Variants in LHFPL1 observed in about 807,000 individuals in gnomAD.
The protein encoded by LHFPL1 is LHFPL tetraspan subfamily member 1, also known as LHFPL tetraspan subfamily member 1 protein.
Under a neutral mutation model 12.1 loss-of-function variants are expected in LHFPL1, and 4 were observed. The observed-to-expected ratio is 0.33, with a 90% CI of 0.16 to 0.76. The LOEUF (loss-of-function observed/expected upper bound fraction) is 0.76. LHFPL1 is among the 30% of genes least tolerant of loss of function. The probability of loss-of-function intolerance (pLI) is 0.61; values close to 1 mark genes in which losing one functional copy is unlikely to be tolerated. For missense variants in LHFPL1, 141 were observed against 174.1 expected, an observed-to-expected ratio of 0.81 and a Z score of 1.07; for synonymous variants, 52 against 61.9, an observed-to-expected ratio of 0.84 and a Z score of 0.75.
chrX:112,639,587 C>T (rs1315533203), intron 3 of LHFPL1, among the ~76,000 whole-genome samples: 2 of 112,222 alleles, frequency 1.8e-5, no homozygotes, highest in East Asian at 5.6e-4. Flanking sequence ...TTTTCTCTCT[C>T]ACACACTTCT....
At chrX:112,653,120 C>T (rs1471890261) in intron 3 of LHFPL1, among the ~76,000 whole-genome samples, 3 of 111,932 alleles carry the variant, frequency 2.7e-5, no homozygotes, top group African/African-American at 9.7e-5. Context: ...GTAATAGGTA[C>T]GTGGATGTTC....
intron 3 of LHFPL1, among the ~76,000 whole-genome samples, chrX:112,654,894 A>G (rs1203325835): frequency 9.0e-6 from 1 of 111,644 alleles, no homozygotes; most frequent in East Asian, 2.8e-4. Flanking sequence ...CAGGTGGGCA[A>G]TTCTTCTACT....
chrX:112,643,112 G>C, intron 3 of LHFPL1, among the ~76,000 whole-genome samples: 1 of 107,608 alleles, frequency 9.3e-6, no homozygotes, highest in South Asian at 4.2e-4. Flanking sequence ...CGGGCGCAGT[G>C]GCTCACGCCT....
chrX:112,669,609 T>G (rs187858861), intron 2 of LHFPL1, among the ~76,000 whole-genome samples: 2 of 112,432 alleles, frequency 1.8e-5, no homozygotes, highest in African/African-American at 6.5e-5. Context: ...ATGCTTTTCA[T>G]AATCAAGCCA....
At chrX:112,654,466 C>T (rs981508567) in intron 3 of LHFPL1, among the ~76,000 whole-genome samples, 3 of 110,594 alleles carry the variant, frequency 2.7e-5, no homozygotes, top group Admixed American at 9.7e-5. Context: ...AAGCGAAAAA[C>T]GCAAGGTGCA....
intron 2 of LHFPL1, among the ~76,000 whole-genome samples, chrX:112,665,471 G>A (rs1931306130): frequency 1.8e-5 from 2 of 111,845 alleles, no homozygotes; most frequent in Non-Finnish European, 3.8e-5. Flanking sequence ...GATTACAGGC[G>A]TGAGCCACCG....
At chrX:112,645,479 A>G (rs1021360069) in intron 3 of LHFPL1, among the ~76,000 whole-genome samples, 68 of 112,058 alleles carry the variant, frequency 6.1e-4, no homozygotes, top group African/African-American at 2.1e-3. Context: ...GTTACTATGT[A>G]CCAAATACTA....
chrX:112,637,505 T>C (rs1474829239), intron 3 of LHFPL1, among the ~76,000 whole-genome samples: 1 of 111,864 alleles, frequency 8.9e-6, no homozygotes, highest in African/African-American at 3.3e-5. Flanking sequence ...AGTCAGAATC[T>C]GATAGAGTGG....
chrX:112,651,941 C>A (rs902812821), intron 3 of LHFPL1, among the ~76,000 whole-genome samples: 7 of 112,853 alleles, frequency 6.2e-5, no homozygotes, highest in Admixed American at 5.6e-4. Context: ...CTGAGATCAT[C>A]TATTACTCTT....
At chrX:112,636,973 A>G (rs765436737) in intron 3 of LHFPL1, among the ~76,000 whole-genome samples, 1 of 111,759 alleles carries the variant, frequency 8.9e-6, no homozygotes, top group Non-Finnish European at 1.9e-5. Context: ...GTCTGTGAAG[A>G]GAAGGATCGG....
chrX:112,639,468 T>G (rs935131305), intron 3 of LHFPL1, among the ~76,000 whole-genome samples: 2 of 111,658 alleles, frequency 1.8e-5, no homozygotes, highest in South Asian at 7.7e-4. Flanking sequence ...AACCCAATGT[T>G]CCAAAGGGTA....
At chrX:112,665,482 C>T (rs1423984144) in intron 2 of LHFPL1, among the ~76,000 whole-genome samples, 2 of 111,871 alleles carry the variant, frequency 1.8e-5, no homozygotes, top group Non-Finnish European at 3.8e-5. Context: ...TGAGCCACCG[C>T]GCCAGGCCTG....
chrX:112,677,781 T>C (rs773216362), intron 1 of LHFPL1, among the ~76,000 whole-genome samples: 2 of 111,683 alleles, frequency 1.8e-5, no homozygotes, highest in South Asian at 7.7e-4. Flanking sequence ...CTCTGAGTTC[T>C]CCTGTGCCTG....
chrX:112,635,987 A>G (rs929170), intron 3 of LHFPL1, among the ~76,000 whole-genome samples: 6,522 of 111,313 alleles, frequency 0.059, 182 homozygotes, highest in Middle Eastern at 0.13. Flanking sequence ...ACGCTAGAGC[A>G]AGGTTTCTCG....
At chrX:112,657,909 C>CAA (rs57793060) in intron 3 of LHFPL1, among the ~76,000 whole-genome samples, 1,419 of 61,318 alleles carry the variant, frequency 0.023, 39 homozygotes, top group African/African-American at 0.063. Flanking sequence ...AAAACAGAAG[C>CAA]AAAAAAAAAA....
At chrX:112,652,087 G>A (rs987186849) in intron 3 of LHFPL1, among the ~76,000 whole-genome samples, 11 of 112,319 alleles carry the variant, frequency 9.8e-5, no homozygotes, top group East Asian at 2.8e-4. Flanking sequence ...TAGTTCACTT[G>A]GTTAAGCCTA....
chrX:112,676,876 G>C (rs1043736254), intron 1 of LHFPL1, among the ~76,000 whole-genome samples: 1 of 111,958 alleles, frequency 8.9e-6, no homozygotes, highest in Non-Finnish European at 1.9e-5. Flanking sequence ...AGAGGTAATG[G>C]AGAACAGCTA....
chrX:112,674,313 AC>A (rs1171655841), intron 1 of LHFPL1, among the ~76,000 whole-genome samples: 3 of 112,072 alleles, frequency 2.7e-5, no homozygotes, highest in Non-Finnish European at 5.6e-5. Context: ...AAGGACTTAA[AC>A]CCAAGACATG....
chrX:112,635,084 T>C lies in LHFPL1; in HGVS notation c.482-3483A>G, dbSNP rs183674094. Among the ~76,000 whole-genome samples, 638 of 112,325 alleles carry C rather than the reference T, an allele frequency of 5.7e-3. 3 individuals are homozygous for C. The highest frequency in any genetic ancestry group is 0.019 in the African/African-American group (574 of 30,950). ...ATCTGATGGCCCACTGAGGAAATCG[T>C]CTATGGAAGGGTGCAAAAGTAGGGA... is the stretch of plus-strand genomic sequence containing the variant. On this transcript the variant is annotated intron_variant, in intron 3 of 3. Coordinates refer to ENST00000371968, the MANE Select transcript of LHFPL1 (RefSeq NM_178175.4).
Sources: gnomAD v4.1 joint callset for allele counts (sites outside exome capture counted in the v4.1 genomes callset) on GRCh38, gnomAD v4.1.1 for gene constraint, MANE v1.5 for transcripts, NCBI Gene and HGNC (gene_info 2026-07-23, HGNC 2026-07-21) for gene names.